The following CDK8 variants were observed in gnomAD, a reference collection of about 807,000 sequenced individuals.
CDK8 encodes the protein cyclin-dependent kinase 8.
Under a neutral mutation model 71.5 loss-of-function variants are expected in CDK8, and 29 were observed. The observed-to-expected ratio is 0.41, with a 90% CI of 0.30 to 0.55. The LOEUF is 0.55. CDK8 is among the 20% of genes least tolerant of loss of function. CDK8 has a pLI of 0.37. For missense variants in CDK8, 288 were observed against 572.6 expected, an observed-to-expected ratio of 0.50 and a Z score of 5.07; for synonymous variants, 161 against 192.1, an observed-to-expected ratio of 0.84 and a Z score of 1.34.
intron 1 of CDK8, among the ~76,000 whole-genome samples, chr13:26,296,169 T>C (rs1164321785): frequency 1.3e-5 from 2 of 152,188 alleles, no homozygotes; most frequent in African/African-American, 4.8e-5. Context: ...CGCCTAATTT[T>C]ATGATTATTT....
rs1402641053 is a variant in CDK8, at chr13:26,254,330, C to T, written c.-312C>T. The T allele has an allele frequency of 1.5e-5, 4 of 274,110 alleles. No individual in the cohort carries two copies. The highest frequency in any genetic ancestry group is 5.5e-5 in the Admixed American group (1 of 18,138). The allele number at this position is 274,110 out of a possible 1,614,324, so 17.0% of individuals were successfully genotyped here. On this transcript the variant is annotated 5_prime_UTR_variant, in exon 1 of 13. Coordinates refer to ENST00000381527, the MANE Select transcript of CDK8 (RefSeq NM_001260.3). This position sits in a 1 kb window ranked among gnomAD's most constrained non-coding sequence, Gnocchi z 6.7. Reference sequence around the variant, plus strand: ...CCGGAGAGAGCGGCGGAGCCGGCGCCCAGGGAGCCCGCGGGGACAAGGGCA... The same window carrying T: ...CCGGAGAGAGCGGCGGAGCCGGCGCTCAGGGAGCCCGCGGGGACAAGGGCA...
chr13:26,397,351 C>A (rs1876044801), intron 9 of CDK8, 126 bp downstream of exon 9: 2 of 618,150 alleles, frequency 3.2e-6, no homozygotes, highest in African/African-American at 1.9e-5. Context: ...ATGGTAAATG[C>A]AGAGATCTTG....
At chr13:26,301,288 T>C (rs934404406) in intron 1 of CDK8, among the ~76,000 whole-genome samples, 2 of 150,182 alleles carry the variant, frequency 1.3e-5, no homozygotes, top group Non-Finnish European at 1.5e-5. Context: ...TGATGTAAAT[T>C]AAGAAACACC....
chr13:26,400,310 G>A, intron 9 of CDK8, 143 bp from the exon 10 acceptor site: 1 of 633,102 alleles, frequency 1.6e-6, no homozygotes, highest in Non-Finnish European at 2.8e-6. Flanking sequence ...TTAACAACTA[G>A]GAGTTTTGTT....
chr13:26,352,742 T>C (rs1007711639), intron 3 of CDK8, among the ~76,000 whole-genome samples: 4 of 152,218 alleles, frequency 2.6e-5, no homozygotes, highest in Non-Finnish European at 5.9e-5. Flanking sequence ...CTCGTAGATA[T>C]TTGCTATATA....
intron 7 of CDK8, among the ~76,000 whole-genome samples, chr13:26,395,497 A>G: frequency 6.6e-6 from 1 of 152,130 alleles, no homozygotes; most frequent in East Asian, 1.9e-4. Context: ...CAAAAAAAAA[A>G]AAAAAAGAGC....
intron 4 of CDK8, among the ~76,000 whole-genome samples, chr13:26,360,539 C>T (rs1874090041): frequency 2.0e-5 from 3 of 152,260 alleles, no homozygotes; most frequent in Admixed American, 2.0e-4. Flanking sequence ...AATCCTATTA[C>T]AGCTACTTTG....
intron 1 of CDK8, among the ~76,000 whole-genome samples, chr13:26,329,304 T>G (rs1199955908): frequency 6.6e-6 from 1 of 152,060 alleles, no homozygotes; most frequent in Non-Finnish European, 1.5e-5. Flanking sequence ...AGGTGAATTT[T>G]CATCATGGTC....
chr13:26,267,142 A>T (rs1311487025), intron 1 of CDK8, among the ~76,000 whole-genome samples: 1 of 151,960 alleles, frequency 6.6e-6, no homozygotes. Flanking sequence ...GATGATACAT[A>T]TGCATATATT....
rs553626737 is a variant in CDK8, at chr13:26,321,305, T to C, written c.129-16262T>C. 5.9e-5 allele frequency among the ~76,000 whole-genome samples: 9 copies of C among 152,304 alleles called. No individual in the cohort carries two copies. The South Asian group carries it at 1.9e-3, about 32-fold the overall frequency. ...TCACAAAAAGAAAAATACTGTATATTTCCACTTACATGAAGTACTTAGAGT... is the reference window on the plus strand; with the variant it reads ...TCACAAAAAGAAAAATACTGTATATCTCCACTTACATGAAGTACTTAGAGT... On this transcript the variant is annotated intron_variant, in intron 1 of 12. Transcript: ENST00000381527.
intron 4 of CDK8, among the ~76,000 whole-genome samples, chr13:26,358,459 C>T (rs917982452): frequency 7.2e-5 from 11 of 152,064 alleles, no homozygotes; most frequent in African/African-American, 2.7e-4. Flanking sequence ...AGAATTTTTA[C>T]CTCGTATTAT....
intron 5 of CDK8, 131 bp from the exon 6 acceptor site, chr13:26,385,080 T>C: frequency 1.5e-6 from 1 of 686,576 alleles, no homozygotes; most frequent in Non-Finnish European, 2.4e-6. Flanking sequence ...CTAAAATGGA[T>C]GTTTTGTGGG....
chr13:26,326,642 GTCTC>G (rs1231603469), intron 1 of CDK8, among the ~76,000 whole-genome samples: 2 of 152,130 alleles, frequency 1.3e-5, no homozygotes, highest in African/African-American at 4.8e-5. Flanking sequence ...TTAGTTTGAG[GTCTC>G]TGGCTGGGAC....
At chr13:26,353,135 G>A (rs1329706274) in intron 3 of CDK8, among the ~76,000 whole-genome samples, 1 of 152,168 alleles carries the variant, frequency 6.6e-6, no homozygotes, top group Non-Finnish European at 1.5e-5. Flanking sequence ...ATTTTTCTAT[G>A]TATAAAGTTG....
At chr13:26,325,149 T>G (rs923750321) in intron 1 of CDK8, among the ~76,000 whole-genome samples, 11 of 152,186 alleles carry the variant, frequency 7.2e-5, no homozygotes, top group Non-Finnish European at 1.5e-4. Context: ...TCTCAGAGAT[T>G]ATAACAGTGC....
At chr13:26,271,734 C>T (rs1872328469) in intron 1 of CDK8, among the ~76,000 whole-genome samples, 1 of 147,666 alleles carries the variant, frequency 6.8e-6, no homozygotes, top group Non-Finnish European at 1.5e-5. Flanking sequence ...TGCTTGAGTC[C>T]AGGAGCTTGA....
At chr13:26,297,151 A>G (rs1873596735) in intron 1 of CDK8, among the ~76,000 whole-genome samples, 1 of 152,212 alleles carries the variant, frequency 6.6e-6, no homozygotes, top group Non-Finnish European at 1.5e-5. Flanking sequence ...ACAAGGAACA[A>G]TTACCAAGGA....
At chr13:26,255,268 T>C (rs564897829) in intron 1 of CDK8, among the ~76,000 whole-genome samples, 2 of 152,304 alleles carry the variant, frequency 1.3e-5, no homozygotes, top group South Asian at 4.1e-4. Context: ...AGCGAGTGAA[T>C]GTGGTTCTGG....
intron 1 of CDK8, among the ~76,000 whole-genome samples, chr13:26,290,362 G>T (rs1472884375): frequency 6.6e-6 from 1 of 152,122 alleles, no homozygotes; most frequent in African/African-American, 2.4e-5. Context: ...AGTACTCAAA[G>T]GTTTTAGTTT....
Sources: allele counts gnomAD v4.1 joint callset (sites outside exome capture counted in the v4.1 genomes callset), GRCh38; gene constraint gnomAD v4.1.1; non-coding constraint Gnocchi (gnomAD v3.1); transcripts MANE v1.5; gene names NCBI Gene and HGNC (gene_info 2026-07-23, HGNC 2026-07-21).